BDP1: variants seen among roughly 807,000 people sequenced by gnomAD.
BDP1 encodes BDP1 general transcription factor IIIB subunit.
In BDP1, 169 loss-of-function variants were observed where a neutral mutation model predicts 266.6. The observed-to-expected ratio is 0.63, with a 90% CI of 0.56 to 0.72. The LOEUF is 0.72. Among genes scored for constraint, BDP1 ranks in the 30% least tolerant of loss-of-function variants. The pLI is 0.00. For missense variants in BDP1, 3,015 were observed against 3,053.8 expected, an observed-to-expected ratio of 0.99 and a Z score of 0.30; for synonymous variants, 1,090 against 1,022.4, an observed-to-expected ratio of 1.07 and a Z score of -1.26.
At chr5:71,545,894 G>A (rs1742268659) in intron 32 of BDP1, among the ~76,000 whole-genome samples, 1 of 151,296 alleles carries the variant, frequency 6.6e-6, no homozygotes, top group Non-Finnish European at 1.5e-5. Flanking sequence ...CAGCTACTCA[G>A]GAGGCTGAAG....
At chr5:71,469,202 G>C (rs188028022) in intron 6 of BDP1, among the ~76,000 whole-genome samples, 6 of 151,114 alleles carry the variant, frequency 4.0e-5, no homozygotes, top group Non-Finnish European at 5.9e-5. Flanking sequence ...GCAGTGGTGC[G>C]ATCTTGGCTC....
At chr5:71,486,738 A>G in intron 9 of BDP1, 111 bp downstream of exon 9, 2 of 848,160 alleles carry the variant, frequency 2.4e-6, no homozygotes, top group Non-Finnish European at 3.5e-6. Context: ...AAGATCATCA[A>G]AGCATCCAGT....
chr5:71,470,558 C>T (rs1331284876), intron 7 of BDP1, 69 bp downstream of exon 7: 5 of 991,952 alleles, frequency 5.0e-6, no homozygotes, highest in Non-Finnish European at 4.6e-6. Flanking sequence ...TAGTATTATT[C>T]GCTTACCTTT....
intron 17 of BDP1, among the ~76,000 whole-genome samples, chr5:71,511,993 CTT>C (rs890010162): frequency 6.9e-6 from 1 of 144,302 alleles, no homozygotes. Context: ...TTTTCAAGGA[CTT>C]TTTTTTTTTT....
intron 30 of BDP1, among the ~76,000 whole-genome samples, chr5:71,542,626 C>T (rs1767041449): frequency 6.6e-6 from 1 of 152,010 alleles, no homozygotes; most frequent in African/African-American, 2.4e-5. Flanking sequence ...AATTCCAGCA[C>T]TTTGGGAGGC....
At chr5:71,514,128 C>T (rs1167907933) in intron 19 of BDP1, among the ~76,000 whole-genome samples, 2 of 152,124 alleles carry the variant, frequency 1.3e-5, no homozygotes, top group Non-Finnish European at 2.9e-5. Flanking sequence ...TGGTCCATAA[C>T]AGATTAAGAT....
intron 25 of BDP1, among the ~76,000 whole-genome samples, chr5:71,525,411 C>T (rs1213421089): frequency 2.9e-5 from 4 of 135,848 alleles, no homozygotes; most frequent in South Asian, 2.6e-4. Context: ...CCACCTCCCT[C>T]CCGGACGGGG....
rs1743961848 is a variant in BDP1, at chr5:71,565,284, G to T, written c.*399G>T. Reference sequence around the variant, plus strand: ...AACATTTAGCAACTTCTTTTGTGAAGATTTTTTATTTTTAGGGGGAGATGA... The same window carrying T: ...AACATTTAGCAACTTCTTTTGTGAATATTTTTTATTTTTAGGGGGAGATGA... On this transcript the variant is annotated 3_prime_UTR_variant, in exon 39 of 39. Transcript: ENST00000358731. 1.3e-5 allele frequency: 2 copies of T among 155,920 alleles called. No homozygotes were observed. Among genetic ancestry groups the T allele is most frequent in the Non-Finnish European group, 1.4e-5 (1 of 70,450 alleles). The allele number at this position is 155,920 out of a possible 1,614,324, so 9.7% of individuals were successfully genotyped here.
chr5:71,540,924 T>C (rs1766926982), intron 28 of BDP1, among the ~76,000 whole-genome samples: 1 of 152,104 alleles, frequency 6.6e-6, no homozygotes, highest in Admixed American at 6.5e-5. Flanking sequence ...GGTGACAAAG[T>C]GAGACACTGT....
chr5:71,493,409 GAC>G (rs758262480), intron 11 of BDP1, among the ~76,000 whole-genome samples: 1 of 152,090 alleles, frequency 6.6e-6, no homozygotes, highest in Non-Finnish European at 1.5e-5. Flanking sequence ...ACAGTCATGG[GAC>G]ACCATGACTG....
intron 2 of BDP1, among the ~76,000 whole-genome samples, chr5:71,461,418 A>G (rs1449941246): frequency 6.6e-6 from 1 of 151,732 alleles, no homozygotes; most frequent in Non-Finnish European, 1.5e-5. Flanking sequence ...CAGCCTTGGC[A>G]ACGTAGGGAG....
intron 18 of BDP1, 94 bp downstream of exon 18, chr5:71,512,522 G>T (rs1764985167): frequency 1.3e-6 from 1 of 781,398 alleles, no homozygotes; most frequent in Non-Finnish European, 1.9e-6. Context: ...ATACAGGATA[G>T]TGTTAGAGCT....
chr5:71,466,058 C>G (rs1761887842), intron 4 of BDP1, 38 bp from the exon 5 acceptor site: 1 of 1,603,322 alleles, frequency 6.2e-7, no homozygotes, highest in South Asian at 1.1e-5. Context: ...GCACACTTTT[C>G]ATGCCTTTGT....
At position 71,486,508 on chromosome 5, in the gene BDP1, A is replaced by G; in HGVS notation, c.1094A>G (p.Asp365Gly). 1 of 1,537,626 alleles carries G rather than the reference A, an allele frequency of 6.5e-7. No homozygotes were observed. Among genetic ancestry groups the G allele is most frequent in the African/African-American group, 1.4e-5 (1 of 69,334 alleles). The change falls in exon 9 of 39, where the codon GAT becomes GGT. Residue 365 changes from aspartate (D) to glycine (G), a missense_variant. Around this residue, in one of 3 missense-constraint regions of BDP1, gnomAD observed 2,383 missense variants for 2,404.9 expected, o/e 0.99. Transcript: ENST00000358731. Reference protein sequence around the residue: ...AFQEKRPFDFDFFAHLLQKVL... With the variant: ...AFQEKRPFDFGFFAHLLQKVL... ...GAGGAAAAGCGCCCTTTTGACTTCG[A>G]TTTTTTTGCTCATTTGCTTCAGAAA...
At chr5:71,525,764 G>A (rs1021745539) in intron 25 of BDP1, among the ~76,000 whole-genome samples, 56 of 152,160 alleles carry the variant, frequency 3.7e-4, no homozygotes, top group African/African-American at 1.3e-3. Flanking sequence ...CGGACGGGGT[G>A]GCTGTTGGGC....
chr5:71,496,379 T>G (rs1267470803), intron 12 of BDP1, among the ~76,000 whole-genome samples: 2 of 151,376 alleles, frequency 1.3e-5, no homozygotes, highest in Non-Finnish European at 2.9e-5. Context: ...CATCGAAAAG[T>G]ATAAAAAGGT....
At position 71,510,263 on chromosome 5, in the gene BDP1, A is replaced by G; in HGVS notation, c.3171A>G (p.Leu1057=). 1 of 1,614,070 alleles carries G rather than the reference A, an allele frequency of 6.2e-7. No homozygotes were observed. The highest frequency in any genetic ancestry group is 8.5e-7 in the Non-Finnish European group (1 of 1,179,996). Residue 1057 remains leucine (L), a synonymous_variant, in exon 17 of 39, where the codon CTA becomes CTG. Coordinates refer to ENST00000358731, the MANE Select transcript of BDP1 (RefSeq NM_018429.3). ...QENGLEEVKP[L]GEMETDLKAT... ...ATGGACTAGAGGAGGTCAAGCCTCT[A>G]GGTGAAATGGAGACGGATTTGAAAG... is the stretch of plus-strand genomic sequence containing the variant.
chr5:71,502,883 A>T (rs1764339130), intron 15 of BDP1, 92 bp downstream of exon 15: 1 of 866,976 alleles, frequency 1.2e-6, no homozygotes, highest in African/African-American at 1.7e-5. Flanking sequence ...ACATACATAC[A>T]TACATACATT....
chr5:71,476,626 T>G (rs975804377), intron 7 of BDP1, among the ~76,000 whole-genome samples: 5 of 151,862 alleles, frequency 3.3e-5, no homozygotes, highest in Admixed American at 2.0e-4. Flanking sequence ...CTGCATCCTC[T>G]GCTTTCCAGG....
Sources: gnomAD v4.1 joint callset for allele counts (sites outside exome capture counted in the v4.1 genomes callset) on GRCh38, gnomAD v4.1.1 for gene constraint, gnomAD v4.1.1 regional missense constraint, MANE v1.5 for transcripts, NCBI Gene and HGNC (gene_info 2026-07-23, HGNC 2026-07-21) for gene names.